Variants in CD109 observed in about 807,000 individuals in gnomAD.
CD109 encodes CD109 antigen.
Under a neutral mutation model 165.8 loss-of-function variants are expected in CD109, and 149 were observed. The observed-to-expected ratio is 0.90, with a 90% CI of 0.79 to 1.03. CD109 has a LOEUF of 1.03. Among genes scored for constraint, CD109 ranks in the 50% least tolerant of loss-of-function variants. CD109 has a pLI of 0.00. For synonymous variants in CD109, 585 were observed against 592.1 expected, an observed-to-expected ratio of 0.99 and a Z score of 0.18; for missense variants, 1,712 against 1,677.8, an observed-to-expected ratio of 1.02 and a Z score of -0.36.
At chr6:73,780,786 T>G (rs1003633024) in intron 16 of CD109, among the ~76,000 whole-genome samples, 2 of 144,620 alleles carry the variant, frequency 1.4e-5, no homozygotes, top group African/African-American at 5.1e-5. Flanking sequence ...ATATAATATA[T>G]AAATATATTT....
At chr6:73,769,518 T>C (rs1249364708) in intron 14 of CD109, among the ~76,000 whole-genome samples, 1 of 152,210 alleles carries the variant, frequency 6.6e-6, no homozygotes, top group Non-Finnish European at 1.5e-5. Flanking sequence ...AGAAAGGAAT[T>C]AGTTTCAGTT....
chr6:73,775,374 T>C (rs1774203488), intron 15 of CD109, among the ~76,000 whole-genome samples: 1 of 152,178 alleles, frequency 6.6e-6, no homozygotes, highest in African/African-American at 2.4e-5. Context: ...CATACAATTC[T>C]ATTAACTATA....
chr6:73,698,331 C>T (rs1278058208), intron 2 of CD109, among the ~76,000 whole-genome samples: 1 of 151,940 alleles, frequency 6.6e-6, no homozygotes, highest in Non-Finnish European at 1.5e-5. Flanking sequence ...ACTTTTATTG[C>T]ATTTTTTTCT....
chr6:73,802,280 T>C, intron 23 of CD109, among the ~76,000 whole-genome samples: 1 of 110,032 alleles, frequency 9.1e-6, no homozygotes, highest in Non-Finnish European at 1.9e-5. Flanking sequence ...TGTGTGTGTG[T>C]GTGTGTGTGT....
intron 15 of CD109, 74 bp from the exon 16 acceptor site, chr6:73,780,350 A>G (rs982208821): frequency 7.3e-5 from 65 of 889,900 alleles, no homozygotes; most frequent in Non-Finnish European, 1.1e-4. Context: ...GCTAAGTCTT[A>G]TCTAAGTTAC....
At chr6:73,816,917 C>A (rs1436303321) in intron 30 of CD109, among the ~76,000 whole-genome samples, 1 of 152,080 alleles carries the variant, frequency 6.6e-6, no homozygotes, top group Non-Finnish European at 1.5e-5. Flanking sequence ...TGTAAGGATG[C>A]AGGATTTCCA....
At chr6:73,680,828 C>T in the CD109 span, among the ~76,000 whole-genome samples, 8 of 152,144 alleles carry the variant, frequency 5.3e-5, no homozygotes, top group African/African-American at 9.7e-5. Flanking sequence ...TTTCAAAGCA[C>T]GGCGCCTGGG....
At chr6:73,750,981 T>C (rs528373710) in intron 5 of CD109, among the ~76,000 whole-genome samples, 1 of 152,294 alleles carries the variant, frequency 6.6e-6, no homozygotes, top group Non-Finnish European at 1.5e-5. Flanking sequence ...CAGTAATTAA[T>C]ATGTCCAGTC....
At chr6:73,695,845 G>A (rs1422404009), upstream of CD109, 1 of 295,660 alleles carries the variant, frequency 3.4e-6, no homozygotes, top group Non-Finnish European at 6.4e-6. Flanking sequence ...GGGCATCGTT[G>A]GTAGAGCGCT....
intron 8 of CD109, 91 bp downstream of exon 8, chr6:73,762,571 A>T: frequency 3.9e-6 from 4 of 1,025,686 alleles, no homozygotes; most frequent in Non-Finnish European, 5.8e-6. Context: ...ACAAAAAGTT[A>T]AGTGTAAGAA....
chr6:73,765,622 A>G (rs1228934083), intron 10 of CD109, among the ~76,000 whole-genome samples: 2 of 152,152 alleles, frequency 1.3e-5, no homozygotes, highest in East Asian at 1.9e-4. Context: ...AGAAGAACAG[A>G]TGTCCAAAAT....
chr6:73,781,764 C>G (rs966017590), intron 17 of CD109, among the ~76,000 whole-genome samples: 4 of 150,790 alleles, frequency 2.7e-5, no homozygotes, highest in African/African-American at 9.8e-5. Context: ...CACACACACA[C>G]ACACACAGAC....
At chr6:73,715,412 A>C (rs907948803) in intron 2 of CD109, among the ~76,000 whole-genome samples, 2 of 151,646 alleles carry the variant, frequency 1.3e-5, no homozygotes, top group Admixed American at 1.3e-4. Context: ...AAAAGTAAAA[A>C]AAATTAGCCA....
chr6:73,762,473 C>A lies in CD109; in HGVS notation c.848C>A (p.Thr283Lys). The A allele has an allele frequency of 6.3e-7, 1 of 1,588,506 alleles. No homozygotes were observed. The highest frequency in any genetic ancestry group is 8.6e-7 in the Non-Finnish European group (1 of 1,157,808). Residue 283 changes from threonine to lysine, a missense_variant, in exon 8 of 33, where the codon ACA (threonine) becomes AAA (lysine). Physicochemically the swap from Thr to Lys is moderately conservative, Grantham distance 78 (BLOSUM62 -1). Coordinates refer to ENST00000287097, the MANE Select transcript of CD109 (RefSeq NM_133493.5). Reference protein sequence around the residue: ...FWGKKKNITKTFKINGSANFS... With the variant: ...FWGKKKNITKKFKINGSANFS... ...GGAAAGAAGAAAAATATTACAAAAA[C>A]ATTTAAGGTAACTTTTGCAGACACT...
intron 7 of CD109, among the ~76,000 whole-genome samples, chr6:73,761,395 T>C (rs928658567): frequency 3.9e-5 from 6 of 152,194 alleles, no homozygotes; most frequent in African/African-American, 1.4e-4. Context: ...TATGATCAGG[T>C]ATTTTCTGGA....
In CD109 at chr6:73,703,575, A is replaced by G. The variant is rs1771156959; in HGVS notation, c.247+6003A>G. Among the ~76,000 whole-genome samples, 3 of 152,250 alleles carry G rather than the reference A, an allele frequency of 2.0e-5. No individual in the cohort carries two copies. The South Asian group carries it at 6.2e-4, about 31-fold the overall frequency. Reference sequence around the variant, plus strand: ...TCCAGTGCTATTTCCAGTATACTCTACGAAAGTTTCCTAACATATGGAGAG... The same window carrying G: ...TCCAGTGCTATTTCCAGTATACTCTGCGAAAGTTTCCTAACATATGGAGAG... On this transcript the variant is annotated intron_variant, in intron 2 of 32. Coordinates refer to ENST00000287097, the MANE Select transcript of CD109 (RefSeq NM_133493.5).
intron 7 of CD109, among the ~76,000 whole-genome samples, chr6:73,760,291 C>T (rs1293644786): frequency 5.3e-5 from 8 of 151,370 alleles, no homozygotes; most frequent in Non-Finnish European, 1.0e-4. Flanking sequence ...CCTGTAGTCC[C>T]AGCTACTCGG....
At chr6:73,729,533 A>T (rs996574183) in intron 3 of CD109, among the ~76,000 whole-genome samples, 1 of 142,078 alleles carries the variant, frequency 7.0e-6, no homozygotes, top group Non-Finnish European at 1.5e-5. Flanking sequence ...TATTATTATT[A>T]TTTTGAGACA....
Position 73,814,983 on chromosome 6 carries a change from C to G in CD109, c.3771C>G (p.Leu1257=), listed in dbSNP as rs1403138278. ...ANGFGFAICQ[L]NVVYNVKASG... ...TTATGCTAGTTTATTTTTTACAGCT[C>G]AATGTTGTATATAATGTGAAGGCTT... Residue 1257 remains leucine, a splice_region_variant and synonymous_variant, in exon 30 of 33, where the codon CTC becomes CTG. Transcript: ENST00000287097. 14 of 1,517,378 alleles carry G rather than the reference C, an allele frequency of 9.2e-6. No individual in the cohort carries two copies. Among genetic ancestry groups the G allele is most frequent in the Non-Finnish European group, 1.2e-5 (14 of 1,144,286 alleles). 94.0% of individuals were successfully genotyped at this position (1,517,378 alleles called of 1,614,324 possible).
Sources: allele counts gnomAD v4.1 joint callset (sites outside exome capture counted in the v4.1 genomes callset), GRCh38; gene constraint gnomAD v4.1.1; transcripts MANE v1.5; gene names NCBI Gene and HGNC (gene_info 2026-07-23, HGNC 2026-07-21).